TNFSF4: variants seen among roughly 807,000 people sequenced by gnomAD.
TNFSF4 encodes the protein tumor necrosis factor ligand superfamily member 4.
TNFSF4 carries 4 observed loss-of-function variants against 7.3 expected under a neutral mutation model. The ratio of observed to expected loss-of-function variants is 0.55; its 90% CI spans 0.27 to 1.25. TNFSF4 has a LOEUF of 1.25. Ranked by LOEUF, TNFSF4 falls within the 50% of genes most tolerant of loss-of-function variation. TNFSF4 has a pLI of 0.12. For missense variants in TNFSF4, 181 were observed against 208.8 expected (o/e 0.87, Z 0.82); for synonymous variants, 76 against 83.7 (o/e 0.91, Z 0.50).
At chr1:173,431,175 GTCTTTGGTTT>G in the TNFSF4 span, among the ~76,000 whole-genome samples, 1 of 152,162 alleles carries the variant, frequency 6.6e-6, no homozygotes, top group East Asian at 1.9e-4. Flanking sequence ...CACTGTAGTT[GTCTTTGGTTT>G]TCTTTGGAGA....
the TNFSF4 span, among the ~76,000 whole-genome samples, chr1:173,419,470 T>C: frequency 1.3e-5 from 2 of 152,176 alleles, no homozygotes; most frequent in African/African-American, 4.8e-5. Context: ...GCCAGCACCA[T>C]GTGCTTGGAC....
chr1:173,318,793 G>C, the TNFSF4 span, among the ~76,000 whole-genome samples: 1 of 152,196 alleles, frequency 6.6e-6, no homozygotes, highest in Admixed American at 6.5e-5. Flanking sequence ...AACAGCTCCA[G>C]TCTGCAGCTC....
At chr1:173,270,497 A>G in the TNFSF4 span, among the ~76,000 whole-genome samples, 1 of 152,106 alleles carries the variant, frequency 6.6e-6, no homozygotes, top group South Asian at 2.1e-4. Flanking sequence ...TGAAGAGAAA[A>G]GAGATGGTAC....
the TNFSF4 span, among the ~76,000 whole-genome samples, chr1:173,322,472 A>G: frequency 6.6e-6 from 1 of 152,220 alleles, no homozygotes; most frequent in South Asian, 2.1e-4. Context: ...AATACAGAAG[A>G]CGGTGATTTC....
the TNFSF4 span, among the ~76,000 whole-genome samples, chr1:173,448,111 G>A: frequency 3.3e-5 from 5 of 152,098 alleles, no homozygotes; most frequent in Non-Finnish European, 7.4e-5. Flanking sequence ...ATTAAGAGAA[G>A]TTCCAAAAAC....
At chr1:173,200,855 T>C (rs1318716927) in intron 1 of TNFSF4, among the ~76,000 whole-genome samples, 1 of 152,196 alleles carries the variant, frequency 6.6e-6, no homozygotes, top group East Asian at 1.9e-4. Context: ...TAAATTAGTA[T>C]AAGAAGAATT....
Position 173,185,786 on chromosome 1 carries a change from A to G in TNFSF4, c.*730T>C, listed in dbSNP as rs1325068320. On this transcript the variant is annotated 3_prime_UTR_variant, in exon 3 of 3. Transcript: ENST00000281834. The stretch of plus-strand genomic sequence containing the variant: ...TATACAAGAAAATCTCTCTTAAGTC[A>G]CTGATTAGATTTTTCAAAGCATCAC... The G allele has an allele frequency of 6.6e-6, 1 of 152,214 alleles. No individual in the cohort carries two copies. The highest frequency in any genetic ancestry group is 2.4e-5 in the African/African-American group (1 of 41,436). The allele number at this position is 152,214 out of a possible 1,614,324, so 9.4% of individuals were successfully genotyped here.
the TNFSF4 span, among the ~76,000 whole-genome samples, chr1:173,406,005 C>A: frequency 1.3e-5 from 2 of 152,166 alleles, no homozygotes; most frequent in Non-Finnish European, 2.9e-5. Context: ...AGTTTGATCT[C>A]GACCCACTTC....
chr1:173,275,092 C>T, the TNFSF4 span, among the ~76,000 whole-genome samples: 1 of 151,924 alleles, frequency 6.6e-6, no homozygotes, highest in African/African-American at 2.4e-5. Context: ...GGAAAGGAAA[C>T]AACAAGCCCA....
At chr1:173,381,030 G>C in the TNFSF4 span, among the ~76,000 whole-genome samples, 1 of 152,108 alleles carries the variant, frequency 6.6e-6, no homozygotes, top group Non-Finnish European at 1.5e-5. Context: ...GTCTGTCAGC[G>C]CAAAGCCATA....
At chr1:173,392,916 T>C in the TNFSF4 span, among the ~76,000 whole-genome samples, 5 of 152,118 alleles carry the variant, frequency 3.3e-5, no homozygotes, top group Non-Finnish European at 7.4e-5. Flanking sequence ...ATTATTGAAA[T>C]GGAAGCACAA....
At chr1:173,439,980 C>T in the TNFSF4 span, among the ~76,000 whole-genome samples, 1 of 152,146 alleles carries the variant, frequency 6.6e-6, no homozygotes, top group Non-Finnish European at 1.5e-5. Context: ...ACTACTGAAC[C>T]CTGGAGTGTC....
the TNFSF4 span, among the ~76,000 whole-genome samples, chr1:173,402,421 T>A: frequency 1.3e-5 from 2 of 152,192 alleles, no homozygotes; most frequent in African/African-American, 4.8e-5. Flanking sequence ...TGTGTATACA[T>A]CCTGCCACAA....
the TNFSF4 span, among the ~76,000 whole-genome samples, chr1:173,292,872 C>A: frequency 5.9e-5 from 9 of 151,816 alleles, no homozygotes; most frequent in Non-Finnish European, 8.8e-5. Flanking sequence ...AAAGCCAAAC[C>A]AAGAGTCCAA....
the TNFSF4 span, among the ~76,000 whole-genome samples, chr1:173,240,655 C>G: frequency 6.6e-6 from 1 of 152,094 alleles, no homozygotes; most frequent in East Asian, 1.9e-4. Context: ...GCTGAATACC[C>G]TCATAAACAT....
chr1:173,278,993 CAT>C, the TNFSF4 span, among the ~76,000 whole-genome samples: 1 of 152,076 alleles, frequency 6.6e-6, no homozygotes, highest in East Asian at 1.9e-4. Context: ...CCACAAGAAA[CAT>C]AGTAGCTGCC....
the TNFSF4 span, among the ~76,000 whole-genome samples, chr1:173,399,640 C>T: frequency 6.6e-6 from 1 of 152,002 alleles, no homozygotes; most frequent in African/African-American, 2.4e-5. Flanking sequence ...TATTTGTGTC[C>T]CATGTGAATG....
chr1:173,191,362 C>T (rs1254286641), intron 1 of TNFSF4, among the ~76,000 whole-genome samples: 1 of 152,182 alleles, frequency 6.6e-6, no homozygotes, highest in African/African-American at 2.4e-5. Context: ...TTTGCATATC[C>T]TCAGAAGTCT....
the TNFSF4 span, among the ~76,000 whole-genome samples, chr1:173,360,294 A>C: frequency 6.6e-6 from 1 of 152,268 alleles, no homozygotes; most frequent in Non-Finnish European, 1.5e-5. Context: ...GCCTTATGGA[A>C]TGAGAGCTGT....
Sources: gnomAD v4.1 joint callset for allele counts (sites outside exome capture counted in the v4.1 genomes callset) on GRCh38, gnomAD v4.1.1 for gene constraint, MANE v1.5 for transcripts, NCBI Gene and HGNC (gene_info 2026-07-23, HGNC 2026-07-21) for gene names.